Variants in C4orf54 observed in about 807,000 individuals in gnomAD.
The protein encoded by C4orf54 is uncharacterized protein C4orf54.
C4orf54 carries 67 observed loss-of-function variants against 80.1 expected under a neutral mutation model. That is an observed-to-expected ratio of 0.84 (90% CI 0.69 to 1.03). C4orf54 has a LOEUF of 1.03. Ranked by LOEUF, C4orf54 falls within the 50% of genes least tolerant of loss-of-function variation. The pLI, the probability that C4orf54 is intolerant of heterozygous loss-of-function variation, is 0.00. For missense variants in C4orf54, 2,434 were observed against 2,253.5 expected, an observed-to-expected ratio of 1.08 and a Z score of -1.62; for synonymous variants, 1,000 against 917.0, an observed-to-expected ratio of 1.09 and a Z score of -1.64.
chr4:99,647,210 G>A (rs1485350165), intron 2 of C4orf54, among the ~76,000 whole-genome samples: 1 of 152,158 alleles, frequency 6.6e-6, no homozygotes, highest in African/African-American at 2.4e-5. Context: ...ACAGGGGAAA[G>A]GCCAAAGGCA....
rs1360514869 is a variant in C4orf54, at chr4:99,649,541, C to T, written c.5108G>A (p.Gly1703Glu). ...TGCCACCATTGGGGAGAGCTCACTT[C>T]CTCTTGGAGCGCGAGCAATTGGTGT... is the stretch of plus-strand genomic sequence containing the variant. ...QPTPIARAPR[G>E]SELSPMVAEP... Residue 1703 changes from glycine to glutamate, a missense_variant, in exon 2 of 3, where the codon GGA becomes GAA. By Grantham distance (98) the Gly-to-Glu change is moderately conservative. Coordinates refer to ENST00000511828, the MANE Select transcript of C4orf54 (RefSeq NM_001354435.2). 1.3e-6 allele frequency: 2 copies of T among 1,536,028 alleles called. No individual in the cohort carries two copies. The highest frequency in any genetic ancestry group is 2.7e-5 in the African/African-American group (2 of 73,034).
intron 2 of C4orf54, among the ~76,000 whole-genome samples, chr4:99,642,513 G>A (rs1726623414): frequency 6.6e-6 from 1 of 152,200 alleles, no homozygotes; most frequent in Non-Finnish European, 1.5e-5. Flanking sequence ...GATTGATAGT[G>A]TAGATATTGC....
At chr4:99,646,098 A>G (rs1032739522) in intron 2 of C4orf54, among the ~76,000 whole-genome samples, 4 of 152,184 alleles carry the variant, frequency 2.6e-5, no homozygotes, top group African/African-American at 9.7e-5. Context: ...TTTATGTCCA[A>G]ATATATACGG....
rs1416171255 is a variant in C4orf54, at chr4:99,651,110, C to T, written c.3539G>A (p.Ser1180Asn). The T allele has an allele frequency of 1.2e-5, 19 of 1,536,182 alleles. No homozygotes were observed. Among genetic ancestry groups the T allele is most frequent in the Non-Finnish European group, 1.5e-5 (17 of 1,146,928 alleles). The change falls in exon 2 of 3, where the codon AGC (serine) becomes AAC (asparagine). Residue 1180 changes from serine to asparagine, a missense_variant. Transcript: ENST00000511828. ...TGGGGAGGAAGAATTCAAGACTCTG[C>T]TGCCGCCCCCTTTGCCCATGCTTTC... ...PRESMGKGGGSRVLNSSSPEG... is the reference protein window; with the variant it reads ...PRESMGKGGGNRVLNSSSPEG...
Position 99,653,807 on chromosome 4 carries a change from T to C in C4orf54, c.842A>G (p.Asp281Gly). The C allele has an allele frequency of 6.5e-7, 1 of 1,536,128 alleles. No individual in the cohort carries two copies. The highest frequency in any genetic ancestry group is 8.7e-7 in the Non-Finnish European group (1 of 1,146,912). Residue 281 changes from aspartate (D) to glycine (G), a missense_variant, in exon 2 of 3, where the codon GAT (aspartate) becomes GGT (glycine). Physicochemically the swap from Asp to Gly is moderately conservative, Grantham distance 94. Transcript: ENST00000511828. ...SSSPMNKAEE[D>G]GLSKMEDSTT... Reference sequence around the variant, plus strand: ...GGAGTCCTCCATTTTGGAAAGGCCATCCTCTTCTGCTTTGTTCATCGGGGA... The same window carrying C: ...GGAGTCCTCCATTTTGGAAAGGCCACCCTCTTCTGCTTTGTTCATCGGGGA...
chr4:99,650,114 C>A lies in C4orf54; in HGVS notation c.4535G>T (p.Arg1512Leu), dbSNP rs778635502. ...TLCSLPPLSA[R>L]SQVPSSSKGS... is the part of the protein sequence containing the mutation. Reference sequence around the variant, plus strand: ...TTTGGAGCTACTGGGGACCTGACTGCGGGCACTCAGCGGGGGTAAACTACA... The same window carrying A: ...TTTGGAGCTACTGGGGACCTGACTGAGGGCACTCAGCGGGGGTAAACTACA... The change falls in exon 2 of 3, where the codon CGC becomes CTC. Residue 1512 changes from arginine (R) to leucine (L), a missense_variant. Coordinates refer to ENST00000511828, the MANE Select transcript of C4orf54 (RefSeq NM_001354435.2). 1.2e-5 allele frequency: 18 copies of A among 1,535,722 alleles called. No homozygotes were observed. In the South Asian group the frequency reaches 1.9e-4, roughly 16 times the overall value.
rs1726881127 is a variant in C4orf54 at position 99,652,927 on chromosome 4, T to G, written c.1722A>C (p.Ala574=). The G allele has an allele frequency of 6.5e-7, 1 of 1,536,066 alleles. No homozygotes were observed. The highest frequency in any genetic ancestry group is 8.7e-7 in the Non-Finnish European group (1 of 1,146,932). ...ATTTCTTTGCATGGTCCTGAGCCAC[T>G]GCTGCAGCCGGGTTTTGCTTCAGCG... ...SSSLKQNPAA[A]VAQDHAKKFI... The change falls in exon 2 of 3, where the codon GCA becomes GCC. Residue 574 remains alanine, a synonymous_variant. Transcript: ENST00000511828.
chr4:99,643,606 T>A (rs1015246207), intron 2 of C4orf54, among the ~76,000 whole-genome samples: 1 of 152,102 alleles, frequency 6.6e-6, no homozygotes, highest in South Asian at 2.1e-4. Flanking sequence ...TTGGGGCATA[T>A]AATGTTCTAA....
In C4orf54 at chr4:99,654,037, C is replaced by G; in HGVS notation, c.612G>C (p.Gln204His). 1 of 1,536,140 alleles carries G rather than the reference C, an allele frequency of 6.5e-7. No individual in the cohort carries two copies. Among genetic ancestry groups the G allele is most frequent in the Non-Finnish European group, 8.7e-7 (1 of 1,146,916 alleles). Residue 204 changes from glutamine to histidine, a missense_variant, in exon 2 of 3, where the codon CAG (glutamine) becomes CAC (histidine). Transcript: ENST00000511828. The part of the protein sequence containing the change: ...YVDMCASAEV[Q>H]RESPQTMKLT... Reference sequence around the variant, plus strand: ...GTTTCATGGTCTGGGGACTCTCCCTCTGGACTTCAGCTGAAGCACACATGT... The same window carrying G: ...GTTTCATGGTCTGGGGACTCTCCCTGTGGACTTCAGCTGAAGCACACATGT...
chr4:99,645,648 C>T (rs1726689596), intron 2 of C4orf54, among the ~76,000 whole-genome samples: 1 of 151,944 alleles, frequency 6.6e-6, no homozygotes, highest in Non-Finnish European at 1.5e-5. Context: ...AAAAACATAG[C>T]CATGTTCCTC....
In C4orf54 at chr4:99,638,637, T is replaced by A. The variant is rs571266585; in HGVS notation, c.*2596A>T. The A allele has an allele frequency of 1.3e-5, 2 of 152,292 alleles. No individual in the cohort carries two copies. Among genetic ancestry groups the A allele is most frequent in the East Asian group, 3.9e-4 (2 of 5,192 alleles). The allele number at this position is 152,292 out of a possible 1,614,324, so 9.4% of individuals were successfully genotyped here. ...GGTCAGAAGGCTTCATAGGCTCTTG[T>A]TTGATTCCCCTTGAGCTATAAAAGG... On this transcript the variant is annotated 3_prime_UTR_variant, in exon 3 of 3. Transcript: ENST00000511828.
intron 2 of C4orf54, among the ~76,000 whole-genome samples, chr4:99,643,739 A>AACACAC (rs754039570): frequency 0.039 from 3,852 of 98,734 alleles, 152 homozygotes; most frequent in Non-Finnish European, 0.055. Flanking sequence ...CCCAAGCCAC[A>AACACAC]ACACACACAC....
chr4:99,649,314 G>C lies in C4orf54; in HGVS notation c.5335C>G (p.Pro1779Ala). 1 of 1,535,406 alleles carries C rather than the reference G, an allele frequency of 6.5e-7. No homozygotes were observed. The highest frequency in any genetic ancestry group is 1.2e-5 in the South Asian group (1 of 83,978). Residue 1779 changes from proline to alanine, a missense_variant, in exon 2 of 3, where the codon CCT (proline) becomes GCT (alanine). Transcript: ENST00000511828. ...CTCATGGTGGTGCCATCAAAGGAAGGGGGAGCAATGATCCGTGGCCCCAGG... is the reference window on the plus strand; with the variant it reads ...CTCATGGTGGTGCCATCAAAGGAAGCGGGAGCAATGATCCGTGGCCCCAGG... The part of the protein sequence containing the change: ...QPLGPRIIAP[P>A]SFDGTTMSFV...
chr4:99,654,546 C>T lies in C4orf54; in HGVS notation c.103G>A (p.Ala35Thr), dbSNP rs1355284978. The T allele has an allele frequency of 1.4e-6, 1 of 702,490 alleles. No homozygotes were observed. The highest frequency in any genetic ancestry group is 2.0e-5 in the Admixed American group (1 of 49,886). The allele number at this position is 702,490 out of a possible 1,614,324, so 43.5% of individuals were successfully genotyped here. The change falls in exon 2 of 3, where the codon GCA becomes ACA. Residue 35 changes from alanine (A) to threonine (T), a missense_variant. Transcript: ENST00000511828. ...CTGAGCTGTCCTGTCCAGTTGTTTG[C>T]CTGGCACCGTCGGCAGCAGCGAGGA... ...QTPRCCRRCQ[A>T]NNWTGQLSYR...
Position 99,649,552 on chromosome 4 carries a change from G to T in C4orf54, c.5097C>A (p.Arg1699=), listed in dbSNP as rs768308958. 1.4e-5 allele frequency: 22 copies of T among 1,536,026 alleles called. No homozygotes were observed. In the South Asian group the frequency reaches 2.0e-4, roughly 14 times the overall value. Reference sequence around the variant, plus strand: ...GGGAGAGCTCACTTCCTCTTGGAGCGCGAGCAATTGGTGTGGGCTGCAGAG... The same window carrying T: ...GGGAGAGCTCACTTCCTCTTGGAGCTCGAGCAATTGGTGTGGGCTGCAGAG... ...TNALQPTPIA[R]APRGSELSPM... Residue 1699 remains arginine, a synonymous_variant, in exon 2 of 3, where the codon CGC becomes CGA. Transcript: ENST00000511828.
rs1726855187 is a variant in C4orf54 at position 99,652,249 on chromosome 4, G to A, written c.2400C>T (p.Ala800=). The A allele has an allele frequency of 2.6e-6, 4 of 1,535,896 alleles. No individual in the cohort carries two copies. Among genetic ancestry groups the A allele is most frequent in the Non-Finnish European group, 2.6e-6 (3 of 1,146,802 alleles). The part of the protein sequence containing the change: ...TSEGSKPTSR[A]DGPQKSKFAS... ...CGAACTTGGACTTCTGGGGGCCATC[G>A]GCGCGGGAGGTGGGCTTGCTGCCCT... Residue 800 remains alanine, a synonymous_variant, in exon 2 of 3, where the codon GCC becomes GCT. Coordinates refer to ENST00000511828, the MANE Select transcript of C4orf54 (RefSeq NM_001354435.2).
At position 99,652,603 on chromosome 4, in the gene C4orf54, C is replaced by G; in HGVS notation, c.2046G>C (p.Arg682Ser). 1 of 1,536,052 alleles carries G rather than the reference C, an allele frequency of 6.5e-7. No individual in the cohort carries two copies. Among genetic ancestry groups the G allele is most frequent in the Admixed American group, 2.0e-5 (1 of 50,998 alleles). Reference sequence around the variant, plus strand: ...CTGCAGCCACAGAGGCCGCGCTGCTCCTGAGGAGGCTCTGCTCCACCCTGG... The same window carrying G: ...CTGCAGCCACAGAGGCCGCGCTGCTGCTGAGGAGGCTCTGCTCCACCCTGG... ...VGARVEQSLLRSSAASVAAGL... is the reference protein window; with the variant it reads ...VGARVEQSLLSSSAASVAAGL... The change falls in exon 2 of 3, where the codon AGG (arginine) becomes AGC (serine). Residue 682 changes from arginine to serine, a missense_variant. Transcript: ENST00000511828.
chr4:99,653,906 G>T lies in C4orf54; in HGVS notation c.743C>A (p.Ala248Asp), dbSNP rs1417665133. 4 of 1,536,182 alleles carry T rather than the reference G, an allele frequency of 2.6e-6. No homozygotes were observed. The highest frequency in any genetic ancestry group is 2.6e-6 in the Non-Finnish European group (3 of 1,146,906). ...CTGGGATCTAGAGAGTTGGGAGGAGGCAGGATTGTTCTGGGGGCTTGGAGT... is the reference window on the plus strand; with the variant it reads ...CTGGGATCTAGAGAGTTGGGAGGAGTCAGGATTGTTCTGGGGGCTTGGAGT... ...SKTPSPQNNPASSQLSRSQHS... is the reference protein window; with the variant it reads ...SKTPSPQNNPDSSQLSRSQHS... Residue 248 changes from alanine (A) to aspartate (D), a missense_variant, in exon 2 of 3, where the codon GCC becomes GAC. Physicochemically the swap from Ala to Asp is moderately radical, Grantham distance 126. Transcript: ENST00000511828.
chr4:99,650,944 G>C lies in C4orf54; in HGVS notation c.3705C>G (p.Leu1235=). The change falls in exon 2 of 3, where the codon CTC becomes CTG. Residue 1235 remains leucine (L), a synonymous_variant. Transcript: ENST00000511828. ...KASTQKTPEK[L]KEEEVKEEGK... is the part of the protein sequence containing the mutation. Reference sequence around the variant, plus strand: ...CTTCCTCCTTGACCTCCTCCTCCTTGAGCTTCTCTGGGGTCTTCTGGGTGG... The same window carrying C: ...CTTCCTCCTTGACCTCCTCCTCCTTCAGCTTCTCTGGGGTCTTCTGGGTGG... 6.5e-7 allele frequency: 1 copy of C among 1,536,030 alleles called. No homozygotes were observed. Among genetic ancestry groups the C allele is most frequent in the Non-Finnish European group, 8.7e-7 (1 of 1,146,910 alleles).
Sources: gnomAD v4.1 joint callset for allele counts (sites outside exome capture counted in the v4.1 genomes callset) on GRCh38, gnomAD v4.1.1 for gene constraint, MANE v1.5 for transcripts, NCBI Gene and HGNC (gene_info 2026-07-23, HGNC 2026-07-21) for gene names.